Variants in MYOZ2 observed in about 807,000 individuals in gnomAD.
MYOZ2 encodes myozenin-2.
MYOZ2 carries 19 observed loss-of-function variants against 25.4 expected under a neutral mutation model. The ratio of observed to expected loss-of-function variants is 0.75; its 90% CI spans 0.52 to 1.10. The LOEUF is 1.10. Among genes scored for constraint, MYOZ2 ranks in the 50% least tolerant of loss-of-function variants. The probability of loss-of-function intolerance (pLI) is 0.00; values close to 1 mark genes in which losing one functional copy is unlikely to be tolerated. For missense variants in MYOZ2, 270 were observed against 317.9 expected (o/e 0.85, Z 1.15); for synonymous variants, 92 against 106.9 (o/e 0.86, Z 0.86).
chr4:119,160,740 G>C (rs1044813392), intron 4 of MYOZ2, among the ~76,000 whole-genome samples: 1 of 151,858 alleles, frequency 6.6e-6, no homozygotes, highest in Non-Finnish European at 1.5e-5. Flanking sequence ...TACCTCCAAC[G>C]CAACTGTTAT....
At chr4:119,168,839 A>G (rs1290912317) in intron 5 of MYOZ2, among the ~76,000 whole-genome samples, 1 of 152,230 alleles carries the variant, frequency 6.6e-6, no homozygotes, top group Non-Finnish European at 1.5e-5. Flanking sequence ...TATTGAGAAT[A>G]TTCCCTAAAC....
At chr4:119,173,570 A>G (rs1468081782) in intron 5 of MYOZ2, among the ~76,000 whole-genome samples, 1 of 152,232 alleles carries the variant, frequency 6.6e-6, no homozygotes, top group Non-Finnish European at 1.5e-5. Context: ...TGCTTTCCAA[A>G]CAGCAGCTCT....
At chr4:119,142,569 C>G (rs1741180649) in intron 2 of MYOZ2, among the ~76,000 whole-genome samples, 1 of 152,164 alleles carries the variant, frequency 6.6e-6, no homozygotes, top group Admixed American at 6.5e-5. Context: ...GCAAAATACC[C>G]TCATGTACTC....
intron 5 of MYOZ2, among the ~76,000 whole-genome samples, chr4:119,181,392 C>G (rs1742182929): frequency 1.3e-5 from 2 of 152,080 alleles, no homozygotes; most frequent in African/African-American, 4.8e-5. Context: ...CTCATCTGGA[C>G]TCTAGTTTAT....
rs1327712748 is a variant in MYOZ2 at position 119,178,452 on chromosome 4, C to G, written c.561-7514C>G. ...TAACATGTCAAATGAAACTTGATCTCTAGCTCCAAATGGGCTCCTTTTCCA... is the reference window on the plus strand; with the variant it reads ...TAACATGTCAAATGAAACTTGATCTGTAGCTCCAAATGGGCTCCTTTTCCA... On this transcript the variant is annotated intron_variant, in intron 5 of 5. Coordinates refer to ENST00000307128, the MANE Select transcript of MYOZ2 (RefSeq NM_016599.5). 3.3e-5 allele frequency among the ~76,000 whole-genome samples: 5 copies of G among 152,204 alleles called. No individual in the cohort carries two copies. In the East Asian group the frequency reaches 9.6e-4, roughly 29 times the overall value.
chr4:119,155,526 A>G (rs963487291), intron 3 of MYOZ2, among the ~76,000 whole-genome samples: 3 of 152,144 alleles, frequency 2.0e-5, no homozygotes, highest in African/African-American at 7.2e-5. Flanking sequence ...GAAACCTAGG[A>G]TTTGGTTTAG....
chr4:119,138,880 T>C (rs114908261), intron 2 of MYOZ2, among the ~76,000 whole-genome samples: 2,680 of 152,250 alleles, frequency 0.018, 87 homozygotes, highest in African/African-American at 0.061. Context: ...GGAAAGAGAT[T>C]GCAGCCGGTG....
chr4:119,168,366 A>G (rs1741871870), intron 5 of MYOZ2, among the ~76,000 whole-genome samples: 1 of 152,124 alleles, frequency 6.6e-6, no homozygotes, highest in Non-Finnish European at 1.5e-5. Flanking sequence ...TAAGCAACAC[A>G]TTTCATAAGG....
At chr4:119,179,708 A>G (rs1434225786) in intron 5 of MYOZ2, among the ~76,000 whole-genome samples, 6 of 152,228 alleles carry the variant, frequency 3.9e-5, no homozygotes, top group Non-Finnish European at 4.4e-5. Flanking sequence ...ATTTCCTCAC[A>G]GTTCTGGAGC....
chr4:119,151,216 G>T (rs572732440), intron 3 of MYOZ2, among the ~76,000 whole-genome samples, 175 bp downstream of exon 3: 1 of 151,984 alleles, frequency 6.6e-6, no homozygotes, highest in Non-Finnish European at 1.5e-5. Flanking sequence ...GAAGCATTAT[G>T]TATGATATGA....
chr4:119,179,011 G>T (rs1469193150), intron 5 of MYOZ2, among the ~76,000 whole-genome samples: 1 of 152,096 alleles, frequency 6.6e-6, no homozygotes, highest in Non-Finnish European at 1.5e-5. Flanking sequence ...TTTCACTCTT[G>T]CCCTCCTTTA....
chr4:119,165,655 G>A (rs1741808035), intron 5 of MYOZ2, among the ~76,000 whole-genome samples: 1 of 152,172 alleles, frequency 6.6e-6, no homozygotes, highest in South Asian at 2.1e-4. Context: ...GAGTGGCAGG[G>A]AAAGAAAGTT....
At chr4:119,174,449 C>G (rs1335922479) in intron 5 of MYOZ2, among the ~76,000 whole-genome samples, 1 of 151,858 alleles carries the variant, frequency 6.6e-6, no homozygotes, top group Non-Finnish European at 1.5e-5. Context: ...ATGTCTAGTT[C>G]AGGGATTGTA....
chr4:119,171,252 A>AGTAAATC (rs752826918), intron 5 of MYOZ2, among the ~76,000 whole-genome samples: 9 of 152,158 alleles, frequency 5.9e-5, no homozygotes, highest in Non-Finnish European at 1.3e-4. Flanking sequence ...AGAAGCTACC[A>AGTAAATC]GTAAATCATT....
intron 4 of MYOZ2, among the ~76,000 whole-genome samples, chr4:119,162,395 AG>A (rs1741729856): frequency 6.6e-6 from 1 of 152,170 alleles, no homozygotes; most frequent in Non-Finnish European, 1.5e-5. Flanking sequence ...CCAGTTAGGA[AG>A]GTCTCCTGGG....
chr4:119,157,884 T>A, intron 3 of MYOZ2, 138 bp from the exon 4 acceptor site: 1 of 1,023,792 alleles, frequency 9.8e-7, no homozygotes, highest in Non-Finnish European at 1.4e-6. Context: ...ATGAAAAAAA[T>A]TATTGAGGTC....
intron 3 of MYOZ2, among the ~76,000 whole-genome samples, chr4:119,157,210 C>T (rs1342485893): frequency 1.3e-5 from 2 of 152,052 alleles, no homozygotes; most frequent in Non-Finnish European, 2.9e-5. Context: ...TTGACCTAAT[C>T]GCTTCTTTTT....
intron 4 of MYOZ2, among the ~76,000 whole-genome samples, chr4:119,161,208 G>A (rs533123746): frequency 3.0e-4 from 46 of 152,204 alleles, no homozygotes; most frequent in African/African-American, 1.1e-3. Context: ...CTAGTATCCA[G>A]TTATTAAATA....
At chr4:119,145,436 G>A (rs752169769) in intron 2 of MYOZ2, among the ~76,000 whole-genome samples, 2 of 144,166 alleles carry the variant, frequency 1.4e-5, no homozygotes, top group Non-Finnish European at 3.0e-5. Context: ...CCACCTCCCA[G>A]GCTCAACTGA....
Sources: gnomAD v4.1 joint callset for allele counts (sites outside exome capture counted in the v4.1 genomes callset) on GRCh38, gnomAD v4.1.1 for gene constraint, MANE v1.5 for transcripts, NCBI Gene and HGNC (gene_info 2026-07-23, HGNC 2026-07-21) for gene names.